CCDC69: variants seen among roughly 807,000 people sequenced by gnomAD.
The protein encoded by CCDC69 is coiled-coil domain containing 69.
Under a neutral mutation model 40.3 loss-of-function variants are expected in CCDC69, and 38 were observed. The ratio of observed to expected loss-of-function variants is 0.94; its 90% CI spans 0.73 to 1.24. CCDC69 has a LOEUF of 1.24. Ranked by LOEUF, CCDC69 falls within the 50% of genes most tolerant of loss-of-function variation. The pLI, the probability that CCDC69 is intolerant of heterozygous loss-of-function variation, is 0.00. For missense variants in CCDC69, 389 were observed against 357.9 expected (o/e 1.09, Z -0.70); for synonymous variants, 141 against 138.9 (o/e 1.02, Z -0.11).
chr5:151,183,337 C>T lies in CCDC69; in HGVS notation c.*100G>A, dbSNP rs1290951023. 1 of 1,362,670 alleles carries T rather than the reference C, an allele frequency of 7.3e-7. No homozygotes were observed. The highest frequency in any genetic ancestry group is 1.0e-6 in the Non-Finnish European group (1 of 974,588). 84.4% of individuals were successfully genotyped at this position (1,362,670 alleles called of 1,614,324 possible). A position where few individuals can be genotyped will look rare whatever the true frequency, so the allele number is the denominator to read the frequency against. On this transcript the variant is annotated 3_prime_UTR_variant, in exon 9 of 9. Coordinates refer to ENST00000355417, the MANE Select transcript of CCDC69 (RefSeq NM_015621.3). ...TCTCCATCTCGCTCCCACCCTCGTT[C>T]CTTCCTGGAAAAGAACTGAGAGGCT...
At chr5:151,215,241 T>C (rs979455) in intron 1 of CCDC69, among the ~76,000 whole-genome samples, 46,161 of 152,024 alleles carry the variant, frequency 0.3, 7,182 homozygotes, top group Middle Eastern at 0.48. Flanking sequence ...GCTGAGCGCC[T>C]GGATACCTGT....
intron 1 of CCDC69, among the ~76,000 whole-genome samples, chr5:151,209,341 TCA>T (rs1752896374): frequency 6.6e-6 from 1 of 152,236 alleles, no homozygotes; most frequent in Admixed American, 6.5e-5. Context: ...CCCCTGGGTC[TCA>T]GTTTTGTCAT....
At chr5:151,208,363 G>C (rs1752882724) in intron 1 of CCDC69, among the ~76,000 whole-genome samples, 1 of 152,240 alleles carries the variant, frequency 6.6e-6, no homozygotes, top group Non-Finnish European at 1.5e-5. Context: ...CTTCTAGAAA[G>C]CATGCTTCTC....
chr5:151,191,331 C>T (rs897738303), intron 4 of CCDC69, among the ~76,000 whole-genome samples: 1 of 152,192 alleles, frequency 6.6e-6, no homozygotes, highest in Non-Finnish European at 1.5e-5. Context: ...GCCTGAAAAT[C>T]AGCAAGAATA....
chr5:151,193,997 T>C (rs1172665049), intron 4 of CCDC69, among the ~76,000 whole-genome samples: 1 of 152,178 alleles, frequency 6.6e-6, no homozygotes, highest in Non-Finnish European at 1.5e-5. Flanking sequence ...GAAATGTAAA[T>C]TAAACCTATG....
Position 151,182,865 on chromosome 5 carries a change from C to G in CCDC69, c.*572G>C. 1 of 359,158 alleles carries G rather than the reference C, an allele frequency of 2.8e-6. No individual in the cohort carries two copies. The highest frequency in any genetic ancestry group is 7.4e-5 in the East Asian group (1 of 13,470). The allele number at this position is 359,158 out of a possible 1,614,324, so 22.2% of individuals were successfully genotyped here. On this transcript the variant is annotated 3_prime_UTR_variant, in exon 9 of 9. Transcript: ENST00000355417. ...CCCTCTCTACCACTCACCTTCCCCACTCTGATTTGCGGGGTTTGTCCACAC... is the reference window on the plus strand; with the variant it reads ...CCCTCTCTACCACTCACCTTCCCCAGTCTGATTTGCGGGGTTTGTCCACAC...
rs113810176 is a variant in CCDC69 at position 151,216,241 on chromosome 5, G to A, written c.48+7682C>T. Among the ~76,000 whole-genome samples, 689 of 152,162 alleles carry A rather than the reference G, an allele frequency of 4.5e-3. 4 individuals carry two copies. Among genetic ancestry groups the A allele is most frequent in the African/African-American group, 0.015 (626 of 41,504 alleles). ...CCCAAAGTGCTGGGATTACAGGCGT[G>A]AGCCACCATGCCCGGCCAACTATTA... is the stretch of plus-strand genomic sequence containing the variant. On this transcript the variant is annotated intron_variant, in intron 1 of 8. Coordinates refer to ENST00000355417, the MANE Select transcript of CCDC69 (RefSeq NM_015621.3).
chr5:151,187,513 T>TG (rs36036156), intron 4 of CCDC69, 54 bp from the exon 5 acceptor site: 1,010,499 of 1,505,930 alleles, frequency 0.67, 341,431 homozygotes, highest in Admixed American at 0.81. Flanking sequence ...CAAAGCCTTC[T>TG]GCAGGCCCCT....
In CCDC69 at chr5:151,224,051, T is replaced by C. The variant is rs1753179458; in HGVS notation, c.-81A>G. On this transcript the variant is annotated 5_prime_UTR_variant, in exon 1 of 9. Transcript: ENST00000355417. ...CTGCGATCCGGGCCCCGCTGCCCGC[T>C]CCGCGCCCGCCGGCTGGGGCTGCCG... is the stretch of plus-strand genomic sequence containing the variant. 1.6e-6 allele frequency: 2 copies of C among 1,277,500 alleles called. No individual in the cohort carries two copies. The highest frequency in any genetic ancestry group is 2.1e-6 in the Non-Finnish European group (2 of 944,984). The allele number at this position is 1,277,500 out of a possible 1,614,324, so 79.1% of individuals were successfully genotyped here.
At chr5:151,217,944 T>G (rs189710709) in intron 1 of CCDC69, among the ~76,000 whole-genome samples, 7 of 151,950 alleles carry the variant, frequency 4.6e-5, no homozygotes, top group African/African-American at 1.7e-4. Context: ...CATGGGGCAG[T>G]AGAAAATGGC....
At chr5:151,212,879 A>G in intron 1 of CCDC69, 1 of 456,274 alleles carries the variant, frequency 2.2e-6, no homozygotes, top group Non-Finnish European at 4.4e-6. Context: ...TTTCAGAACC[A>G]TCACAAACTG....
At chr5:151,206,773 G>A (rs957957577) in intron 1 of CCDC69, among the ~76,000 whole-genome samples, 2 of 151,764 alleles carry the variant, frequency 1.3e-5, no homozygotes, top group African/African-American at 2.4e-5. Context: ...TGGGACTACA[G>A]GTGCATGCCA....
At chr5:151,185,909 T>C (rs774446136) in intron 6 of CCDC69, 114 bp downstream of exon 6, 81 of 745,186 alleles carry the variant, frequency 1.1e-4, no homozygotes, top group Non-Finnish European at 1.7e-4. Context: ...CTTGTGTAGG[T>C]AAGAGTGCCA....
intron 1 of CCDC69, among the ~76,000 whole-genome samples, chr5:151,207,959 A>G (rs770767175): frequency 4.6e-5 from 7 of 152,240 alleles, no homozygotes; most frequent in Non-Finnish European, 1.0e-4. Context: ...CACTTTAAAA[A>G]ACAAGTCAGG....
At chr5:151,191,278 A>G (rs1278633054) in intron 4 of CCDC69, among the ~76,000 whole-genome samples, 4 of 152,226 alleles carry the variant, frequency 2.6e-5, no homozygotes, top group African/African-American at 9.6e-5. Context: ...AATATGCATT[A>G]TAATTGGAGA....
intron 5 of CCDC69, among the ~76,000 whole-genome samples, chr5:151,186,495 T>C (rs1752521903): frequency 6.6e-6 from 1 of 150,988 alleles, no homozygotes; most frequent in South Asian, 2.1e-4. Context: ...GAAAGGAACA[T>C]ACCAACCCCA....
rs117085150 is a variant in CCDC69, at chr5:151,195,407, C to A, written c.319+3590G>T. ...AGGTTGAGTGATAGCCCCAGTTCAA[C>A]AGGGTATGGTATTATTAAAACACAA... is the stretch of plus-strand genomic sequence containing the variant. On this transcript the variant is annotated intron_variant, in intron 4 of 8. Transcript: ENST00000355417. 4.5e-4 allele frequency among the ~76,000 whole-genome samples: 68 copies of A among 152,210 alleles called. No homozygotes were observed. The East Asian group carries it at 0.013, about 29-fold the overall frequency.
intron 4 of CCDC69, among the ~76,000 whole-genome samples, chr5:151,193,152 C>T (rs968409819): frequency 1.3e-5 from 2 of 151,868 alleles, no homozygotes; most frequent in South Asian, 4.2e-4. Flanking sequence ...GAATCAATTC[C>T]CCATGGATAC....
chr5:151,220,712 AG>A (rs1753121457), intron 1 of CCDC69, among the ~76,000 whole-genome samples: 1 of 152,068 alleles, frequency 6.6e-6, no homozygotes, highest in Non-Finnish European at 1.5e-5. Context: ...TCGGGAATGG[AG>A]AGTTCAGACA....
Sources: allele counts gnomAD v4.1 joint callset (sites outside exome capture counted in the v4.1 genomes callset), GRCh38; gene constraint gnomAD v4.1.1; transcripts MANE v1.5; gene names NCBI Gene and HGNC (gene_info 2026-07-23, HGNC 2026-07-21).